ZYG11A: variants seen among roughly 807,000 people sequenced by gnomAD.
The protein encoded by ZYG11A is protein zyg-11 homolog A.
ZYG11A carries 62 observed loss-of-function variants against 77.2 expected under a neutral mutation model. The ratio of observed to expected loss-of-function variants is 0.80; its 90% CI spans 0.65 to 0.99. The LOEUF (loss-of-function observed/expected upper bound fraction) is 0.99. Among genes scored for constraint, ZYG11A ranks in the 50% least tolerant of loss-of-function variants. The probability of loss-of-function intolerance (pLI) is 0.00; values close to 1 mark genes in which losing one functional copy is unlikely to be tolerated. For synonymous variants in ZYG11A, 315 were observed against 324.6 expected, an observed-to-expected ratio of 0.97 and a Z score of 0.32; for missense variants, 828 against 896.8, an observed-to-expected ratio of 0.92 and a Z score of 0.98.
At chr1:52,855,166 C>T (rs577295083) in intron 2 of ZYG11A, among the ~76,000 whole-genome samples, 1 of 151,256 alleles carries the variant, frequency 6.6e-6, no homozygotes, top group East Asian at 2.0e-4. Context: ...CCGGCCTGCT[C>T]TCTAGCTTTT....
intron 4 of ZYG11A, among the ~76,000 whole-genome samples, chr1:52,861,622 G>A (rs1440913731): frequency 6.6e-6 from 1 of 151,836 alleles, no homozygotes; most frequent in Non-Finnish European, 1.5e-5. Context: ...GAGAATCGCT[G>A]GAACTCGGGA....
At chr1:52,854,317 G>A (rs1265110803) in intron 1 of ZYG11A, 148 bp from the exon 2 acceptor site, 1 of 656,290 alleles carries the variant, frequency 1.5e-6, no homozygotes, top group Non-Finnish European at 2.3e-6. Flanking sequence ...GGAATGAGGT[G>A]GTTTCGTTAC....
At chr1:52,848,243 C>T (rs1225357790) in intron 1 of ZYG11A, among the ~76,000 whole-genome samples, 3 of 152,116 alleles carry the variant, frequency 2.0e-5, no homozygotes, top group Non-Finnish European at 2.9e-5. Context: ...CCTGGTGATC[C>T]GCCTACCTTG....
Position 52,893,076 on chromosome 1 carries a change from G to T in ZYG11A, c.*119G>T, listed in dbSNP as rs777712296. On this transcript the variant is annotated 3_prime_UTR_variant, in exon 14 of 14. Coordinates refer to ENST00000371528, the MANE Select transcript of ZYG11A (RefSeq NM_001004339.3). ...TTGGCTGTCTCATTGGCCTTTGATT[G>T]TTGATTTTATATATGTTACAAAAGG... The T allele has an allele frequency of 4.1e-5, 36 of 876,904 alleles. No homozygotes were observed. Among genetic ancestry groups the T allele is most frequent in the Non-Finnish European group, 6.0e-5 (35 of 587,232 alleles). 54.3% of individuals were successfully genotyped at this position (876,904 alleles called of 1,614,324 possible).
rs74081269 is a variant in ZYG11A at position 52,874,986 on chromosome 1, A to C, written c.1543-2696A>C. Among the ~76,000 whole-genome samples the C allele has an allele frequency of 4.7e-3, 713 of 152,376 alleles. 11 individuals carry two copies. Among genetic ancestry groups the C allele is most frequent in the African/African-American group, 0.016 (675 of 41,590 alleles). On this transcript the variant is annotated intron_variant, in intron 8 of 13. Transcript: ENST00000371528. The stretch of plus-strand genomic sequence containing the variant: ...AAAACAAATTTGTGTTACTTGTTTT[A>C]TTGTGGAATTGAACCCACAGTCTCT...
At chr1:52,882,078 A>C (rs1646373914) in intron 11 of ZYG11A, among the ~76,000 whole-genome samples, 1 of 152,082 alleles carries the variant, frequency 6.6e-6, no homozygotes, top group Admixed American at 6.6e-5. Context: ...TATTTTTTGT[A>C]GATGGGGTTT....
chr1:52,868,993 G>A (rs1460538331), intron 8 of ZYG11A, among the ~76,000 whole-genome samples: 2 of 151,818 alleles, frequency 1.3e-5, no homozygotes, highest in African/African-American at 2.4e-5. Context: ...GTGCCACCAC[G>A]CCTGGCTAGT....
chr1:52,855,476 C>T (rs1430015860), intron 2 of ZYG11A, among the ~76,000 whole-genome samples: 1 of 151,932 alleles, frequency 6.6e-6, no homozygotes, highest in East Asian at 1.9e-4. Flanking sequence ...AGGCGTGAGG[C>T]ACCGTGCCTG....
intron 1 of ZYG11A, among the ~76,000 whole-genome samples, chr1:52,850,774 A>G (rs1389178243): frequency 2.6e-5 from 4 of 152,026 alleles, no homozygotes; most frequent in Non-Finnish European, 5.9e-5. Flanking sequence ...TTTCAACTCT[A>G]GACGTTTCCT....
chr1:52,880,815 C>T (rs1002746424), intron 10 of ZYG11A, among the ~76,000 whole-genome samples: 5 of 152,256 alleles, frequency 3.3e-5, no homozygotes, highest in Admixed American at 1.3e-4. Flanking sequence ...AATTCTCCCC[C>T]GGTGGAGCCT....
rs894820244 is a variant in ZYG11A, at chr1:52,867,571, T to G, written c.1424T>G (p.Leu475Arg). The change falls in exon 7 of 14, where the codon CTC becomes CGC. Residue 475 changes from leucine to arginine, a missense_variant. Physicochemically the swap from Leu to Arg is moderately radical, Grantham distance 102 (BLOSUM62 -2). Coordinates refer to ENST00000371528, the MANE Select transcript of ZYG11A (RefSeq NM_001004339.3). ...GCTGCCAAGTTTGTCATGAGATGGC[T>G]CTGTAAGCATGAAAACCCCAAGATG... ...FDAAKFVMRW[L>R]CKHENPKMQT... The G allele has an allele frequency of 6.4e-7, 1 of 1,552,156 alleles. No homozygotes were observed. Among genetic ancestry groups the G allele is most frequent in the Admixed American group, 2.0e-5 (1 of 50,990 alleles).
Position 52,857,645 on chromosome 1 carries a change from G to A in ZYG11A, c.904G>A (p.Ala302Thr). ...ISGGNCITDE[A>T]VELFIRLRPA... is the part of the protein sequence containing the mutation. ...TGGGGGCAATTGCATCACTGATGAA[G>A]CTGTAGAACTGTTTATACGACTGCG... Residue 302 changes from alanine (A) to threonine (T), a missense_variant, in exon 3 of 14, where the codon GCT becomes ACT. Physicochemically the swap from Ala to Thr is moderately conservative, Grantham distance 58. Coordinates refer to ENST00000371528, the MANE Select transcript of ZYG11A (RefSeq NM_001004339.3). The A allele has an allele frequency of 1.9e-6, 3 of 1,552,164 alleles. No homozygotes were observed. Among genetic ancestry groups the A allele is most frequent in the Non-Finnish European group, 2.6e-6 (3 of 1,147,084 alleles).
rs556137829 is a variant in ZYG11A at position 52,873,965 on chromosome 1, C to T, written c.1543-3717C>T. ...CGCCACTGCACTCCAGCCTGGGCAA[C>T]AAGAGTGAAACTCCGTCTCAAAAAA... On this transcript the variant is annotated intron_variant, in intron 8 of 13. Transcript: ENST00000371528. 1.5e-4 allele frequency among the ~76,000 whole-genome samples: 23 copies of T among 150,674 alleles called. No homozygotes were observed. In the South Asian group the frequency reaches 4.8e-3, roughly 32 times the overall value.
At chr1:52,863,128 A>G (rs1380516373) in intron 4 of ZYG11A, among the ~76,000 whole-genome samples, 2 of 151,996 alleles carry the variant, frequency 1.3e-5, no homozygotes, top group Non-Finnish European at 2.9e-5. Flanking sequence ...AAATCAATTT[A>G]GCAATATACA....
chr1:52,873,193 T>C (rs1217135878), intron 8 of ZYG11A, among the ~76,000 whole-genome samples: 1 of 152,142 alleles, frequency 6.6e-6, no homozygotes, highest in Non-Finnish European at 1.5e-5. Context: ...GCATTTGTAC[T>C]CTCAGCTACT....
At position 52,864,020 on chromosome 1, in the gene ZYG11A, C is replaced by A; in HGVS notation, c.1189C>A (p.Arg397=). The change falls in exon 5 of 14, where the codon CGA becomes AGA. Residue 397 remains arginine, a synonymous_variant. Transcript: ENST00000371528. The part of the protein sequence containing the change: ...IGMRNHPLDL[R]VQFTASACAL... The stretch of plus-strand genomic sequence containing the variant: ...AATGAGGAATCACCCATTGGATTTG[C>A]GAGTGCAGTTCACAGCCAGTGCTTG... The A allele has an allele frequency of 6.4e-7, 1 of 1,551,502 alleles. No individual in the cohort carries two copies. The highest frequency in any genetic ancestry group is 8.7e-7 in the Non-Finnish European group (1 of 1,146,962).
At position 52,867,648 on chromosome 1, in the gene ZYG11A, T is replaced by G; in HGVS notation, c.1491+10T>G. The G allele has an allele frequency of 6.4e-7, 1 of 1,551,428 alleles. No homozygotes were observed. The highest frequency in any genetic ancestry group is 8.7e-7 in the Non-Finnish European group (1 of 1,146,420). On this transcript the variant is annotated intron_variant, in intron 7 of 13. Transcript: ENST00000371528. ...TATTCTGGCTCTGCAGGTTTGTGAT[T>G]TCTTAAAGGCAAGATGTCTATCTCT...
intron 2 of ZYG11A, among the ~76,000 whole-genome samples, chr1:52,855,104 C>T (rs1645785199): frequency 6.6e-6 from 1 of 151,328 alleles, no homozygotes; most frequent in Non-Finnish European, 1.5e-5. Flanking sequence ...TCAGATGATC[C>T]GTCTGCCTTG....
intron 1 of ZYG11A, among the ~76,000 whole-genome samples, chr1:52,847,802 T>C: frequency 6.6e-6 from 1 of 150,914 alleles, no homozygotes; most frequent in Non-Finnish European, 1.5e-5. Context: ...TCCGAGTAGC[T>C]GGGACTACAG....
Sources: allele counts gnomAD v4.1 joint callset (sites outside exome capture counted in the v4.1 genomes callset), GRCh38; gene constraint gnomAD v4.1.1; transcripts MANE v1.5; gene names NCBI Gene and HGNC (gene_info 2026-07-23, HGNC 2026-07-21).